TNNI3K: variants seen among roughly 807,000 people sequenced by gnomAD.
TNNI3K encodes the protein TNNI3 interacting kinase.
Under a neutral mutation model 114.5 loss-of-function variants are expected in TNNI3K, and 140 were observed. The observed-to-expected ratio is 1.22, with a 90% CI of 1.07 to 1.41. The LOEUF is 1.41. TNNI3K is among the 40% of genes most tolerant of loss of function. The probability of loss-of-function intolerance (pLI) is 0.00; values close to 1 mark genes in which losing one functional copy is unlikely to be tolerated. For synonymous variants in TNNI3K, 347 were observed against 347.5 expected (o/e 1.00, Z 0.02); for missense variants, 1,125 against 1,007.6 (o/e 1.12, Z -1.58).
intron 5 of TNNI3K, among the ~76,000 whole-genome samples, chr1:74,289,391 A>C (rs1210563198): frequency 5.9e-5 from 9 of 151,996 alleles, no homozygotes; most frequent in African/African-American, 7.2e-5. Flanking sequence ...TTTGGACTTA[A>C]TCTAATGAAG....
intron 5 of TNNI3K, among the ~76,000 whole-genome samples, chr1:74,273,733 G>T (rs1198618107): frequency 6.6e-6 from 1 of 151,760 alleles, no homozygotes; most frequent in Non-Finnish European, 1.5e-5. Flanking sequence ...CTCTTGCCTT[G>T]CAATTCTTCA....
chr1:74,463,606 A>G (rs1018041831), intron 21 of TNNI3K, 56 bp downstream of exon 21: 1 of 1,582,234 alleles, frequency 6.3e-7, no homozygotes. Flanking sequence ...TCTGTCACAA[A>G]TAGTATAACT....
intron 19 of TNNI3K, among the ~76,000 whole-genome samples, chr1:74,438,218 C>G (rs1666223867): frequency 6.6e-6 from 1 of 151,786 alleles, no homozygotes; most frequent in African/African-American, 2.4e-5. Context: ...TACTGTGTAC[C>G]TGCTCCCACA....
chr1:74,287,779 A>G (rs1489262331), intron 5 of TNNI3K, among the ~76,000 whole-genome samples: 2 of 152,184 alleles, frequency 1.3e-5, no homozygotes, highest in African/African-American at 4.8e-5. Context: ...GAAACAATCA[A>G]CAGAATAAAG....
chr1:74,368,991 T>TAA, intron 13 of TNNI3K, 31 bp from the exon 14 acceptor site: 1 of 1,573,518 alleles, frequency 6.4e-7, no homozygotes, highest in African/African-American at 1.4e-5. Context: ...GTTTTTACCT[T>TAA]AAAAAATAAA....
chr1:74,289,287 T>A (rs1413878896), intron 5 of TNNI3K, among the ~76,000 whole-genome samples: 3 of 151,936 alleles, frequency 2.0e-5, no homozygotes, highest in South Asian at 2.1e-4. Context: ...AAAATGATGA[T>A]CACATTTTGT....
intron 5 of TNNI3K, among the ~76,000 whole-genome samples, chr1:74,288,467 G>A (rs1166326102): frequency 6.6e-6 from 1 of 152,038 alleles, no homozygotes; most frequent in Non-Finnish European, 1.5e-5. Context: ...CTCATTTGCA[G>A]CAACATGAAT....
At chr1:74,418,536 TTGTC>T (rs1288955454) in intron 17 of TNNI3K, among the ~76,000 whole-genome samples, 2 of 152,130 alleles carry the variant, frequency 1.3e-5, no homozygotes, top group Non-Finnish European at 2.9e-5. Flanking sequence ...CCAATGTGAA[TTGTC>T]TATCTTTATT....
rs764378603 is a variant in TNNI3K, at chr1:74,436,504, A to G, written c.1856A>G (p.Asp619Gly). Residue 619 changes from aspartate to glycine, a missense_variant, in exon 19 of 25, where the codon GAC becomes GGC. Physicochemically the swap from Asp to Gly is moderately conservative, Grantham distance 94. Transcript: ENST00000326637. ...ESRFLQSLDE[D>G]NMTKQPGNLR... is the part of the protein sequence containing the mutation. ...AGATTTCTACAGTCTCTGGATGAAG[A>G]CAACATGACAAAACAACCTGGGGTT... is the stretch of plus-strand genomic sequence containing the variant. 6.3e-7 allele frequency: 1 copy of G among 1,587,684 alleles called. No individual in the cohort carries two copies. The highest frequency in any genetic ancestry group is 8.5e-7 in the Non-Finnish European group (1 of 1,173,300).
At chr1:74,437,346 C>A (rs896980978) in intron 19 of TNNI3K, among the ~76,000 whole-genome samples, 5 of 152,006 alleles carry the variant, frequency 3.3e-5, no homozygotes, top group Non-Finnish European at 5.9e-5. Context: ...CAACTAAGTT[C>A]TCATTCCTAT....
chr1:74,307,964 AAT>A (rs1553129661), intron 5 of TNNI3K, among the ~76,000 whole-genome samples: 1 of 151,866 alleles, frequency 6.6e-6, no homozygotes, highest in African/African-American at 2.4e-5. Context: ...TCCATGTAAA[AAT>A]ATATATATAA....
chr1:74,524,929 C>T (rs1226553766), intron 23 of TNNI3K, among the ~76,000 whole-genome samples: 1 of 152,096 alleles, frequency 6.6e-6, no homozygotes, highest in East Asian at 1.9e-4. Flanking sequence ...GGCTGAGGTA[C>T]TTTGGGGCTG....
intron 5 of TNNI3K, among the ~76,000 whole-genome samples, chr1:74,310,128 A>G (rs999370175): frequency 1.2e-4 from 18 of 152,202 alleles, no homozygotes; most frequent in African/African-American, 4.1e-4. Flanking sequence ...ATACAAAACT[A>G]ACATACAAAA....
intron 17 of TNNI3K, among the ~76,000 whole-genome samples, chr1:74,420,208 C>T (rs1665329347): frequency 6.6e-6 from 1 of 151,274 alleles, no homozygotes; most frequent in Admixed American, 6.6e-5. Context: ...AAGAAGTTCT[C>T]CTATATTTGG....
chr1:74,277,409 A>G (rs1364226313), intron 5 of TNNI3K, among the ~76,000 whole-genome samples: 5 of 152,186 alleles, frequency 3.3e-5, no homozygotes, highest in African/African-American at 1.2e-4. Context: ...AAGACACAAA[A>G]AAAGTATTTG....
intron 17 of TNNI3K, among the ~76,000 whole-genome samples, chr1:74,403,492 G>A (rs1664470859): frequency 6.6e-6 from 1 of 152,064 alleles, no homozygotes; most frequent in South Asian, 2.1e-4. Context: ...AGACATCATT[G>A]AACATAAAGT....
chr1:74,400,883 A>G (rs192294590), intron 17 of TNNI3K, among the ~76,000 whole-genome samples: 12 of 152,350 alleles, frequency 7.9e-5, no homozygotes, highest in Admixed American at 5.9e-4. Context: ...CCTTAGTTCA[A>G]TTGGCCATTC....
At chr1:74,321,982 A>G (rs1659634387) in intron 5 of TNNI3K, among the ~76,000 whole-genome samples, 1 of 152,110 alleles carries the variant, frequency 6.6e-6, no homozygotes, top group African/African-American at 2.4e-5. Flanking sequence ...ATATAAATAT[A>G]TAAATTAAAA....
At chr1:74,450,963 A>C (rs1666965316) in intron 20 of TNNI3K, among the ~76,000 whole-genome samples, 1 of 152,228 alleles carries the variant, frequency 6.6e-6, no homozygotes, top group Non-Finnish European at 1.5e-5. Flanking sequence ...TTCAGTGTGC[A>C]GCACTATTCA....
Sources: allele counts gnomAD v4.1 joint callset (sites outside exome capture counted in the v4.1 genomes callset), GRCh38; gene constraint gnomAD v4.1.1; transcripts MANE v1.5; gene names NCBI Gene and HGNC (gene_info 2026-07-23, HGNC 2026-07-21).